Variants in TPTE observed in about 807,000 individuals in gnomAD.
TPTE encodes the protein transmembrane phosphatase with tensin homology, also known as putative tyrosine-protein phosphatase TPTE.
Under a neutral mutation model 84.1 loss-of-function variants are expected in TPTE, and 59 were observed. The observed-to-expected ratio is 0.70, with a 90% CI of 0.57 to 0.87. TPTE has a LOEUF of 0.87. TPTE is among the 40% of genes least tolerant of loss of function. TPTE has a pLI of 0.00. For synonymous variants in TPTE, 130 were observed against 223.5 expected (o/e 0.58, Z 3.73); for missense variants, 382 against 659.6 (o/e 0.58, Z 4.61).
intron 22 of TPTE, chr21:10,602,777 AG>A: frequency 1.9e-6 from 1 of 518,088 alleles, no homozygotes; most frequent in Non-Finnish European, 3.9e-6. Context: ...GCCAACTAGA[AG>A]GGGGAGCCAT....
intron 8 of TPTE, among the ~76,000 whole-genome samples, chr21:10,554,223 ATTCAT>A (rs1478096438): frequency 1.3e-5 from 2 of 152,228 alleles, no homozygotes; most frequent in African/African-American, 4.8e-5. Context: ...ATGTGCTATA[ATTCAT>A]TTAATAGTCA....
At chr21:10,554,402 T>C (rs1195795721) in intron 8 of TPTE, among the ~76,000 whole-genome samples, 15 of 152,294 alleles carry the variant, frequency 9.8e-5, no homozygotes, top group African/African-American at 3.4e-4. Flanking sequence ...GATATTGATA[T>C]GTGCTTTAAC....
chr21:10,526,102 T>C (rs2074073639), intron 2 of TPTE, among the ~76,000 whole-genome samples: 1 of 152,306 alleles, frequency 6.6e-6, no homozygotes, highest in African/African-American at 2.4e-5. Flanking sequence ...AATCCAATTA[T>C]TCATCCTGCT....
intron 3 of TPTE, among the ~76,000 whole-genome samples, chr21:10,531,778 T>G (rs1386595825): frequency 6.6e-6 from 1 of 152,310 alleles, no homozygotes; most frequent in East Asian, 1.9e-4. Context: ...CAAAGGTAAT[T>G]TCTAATCCTC....
chr21:10,579,312 G>A (rs1357111921), intron 17 of TPTE, among the ~76,000 whole-genome samples: 155 of 151,980 alleles, frequency 1.0e-3, no homozygotes, highest in Non-Finnish European at 1.9e-3. Flanking sequence ...ACATGGTGAA[G>A]CCCCATCTCT....
At chr21:10,524,848 G>C (rs1338067987) in intron 2 of TPTE, among the ~76,000 whole-genome samples, 160 bp downstream of exon 2, 1 of 152,306 alleles carries the variant, frequency 6.6e-6, no homozygotes, top group Admixed American at 6.5e-5. Flanking sequence ...AGATGAGCTG[G>C]TATAACTCTG....
chr21:10,566,767 G>A (rs192311381), intron 10 of TPTE, among the ~76,000 whole-genome samples: 7 of 152,292 alleles, frequency 4.6e-5, no homozygotes, highest in Non-Finnish European at 7.3e-5. Context: ...ACCTGAAGTC[G>A]GGAGTTCGAG....
At chr21:10,570,034 G>T (rs1205549642) in intron 13 of TPTE, among the ~76,000 whole-genome samples, 1 of 152,312 alleles carries the variant, frequency 6.6e-6, no homozygotes, top group African/African-American at 2.4e-5. Context: ...CTGAGTCCCA[G>T]GGATCCCATG....
chr21:10,561,458 C>T (rs566233311), intron 10 of TPTE, among the ~76,000 whole-genome samples: 1 of 151,480 alleles, frequency 6.6e-6, no homozygotes, highest in East Asian at 1.9e-4. Context: ...TGCCATTGCA[C>T]TCTAGCCTGG....
At position 10,598,022 on chromosome 21, in the gene TPTE, A is replaced by G. The variant is rs138548038; in HGVS notation, c.1284A>G (p.Val428=). The change falls in exon 21 of 24, where the codon GTA becomes GTG. Residue 428 remains valine, a synonymous_variant. Coordinates refer to ENST00000618007, the MANE Select transcript of TPTE (RefSeq NM_199261.4). ...HFIIYSIPRY[V]RDLKIQIEME... is the part of the protein sequence containing the mutation. ...TTCATTTTGTTGGAACAGGTTATGT[A>G]CGTGATCTAAAAATCCAAATAGAAA... 215 of 1,612,996 alleles carry G rather than the reference A, an allele frequency of 1.3e-4. No homozygotes were observed. The Middle Eastern group carries it at 2.7e-3, about 20-fold the overall frequency.
chr21:10,589,354 G>C (rs1485279147), intron 17 of TPTE, among the ~76,000 whole-genome samples: 5 of 152,298 alleles, frequency 3.3e-5, no homozygotes, highest in African/African-American at 1.2e-4. Flanking sequence ...ATGGGTAAGA[G>C]CTGGCTGTTG....
intron 21 of TPTE, among the ~76,000 whole-genome samples, chr21:10,601,452 G>A (rs546358448): frequency 7.2e-5 from 11 of 152,394 alleles, no homozygotes; most frequent in South Asian, 4.1e-4. Context: ...GCAGTGAGCC[G>A]AGATCATGCC....
intron 3 of TPTE, among the ~76,000 whole-genome samples, chr21:10,528,403 A>G (rs2074118480): frequency 6.6e-6 from 1 of 152,308 alleles, no homozygotes. Context: ...AGTTTTCTGG[A>G]CACTGATTCT....
At chr21:10,560,296 C>G (rs974267863) in intron 9 of TPTE, among the ~76,000 whole-genome samples, 3 of 152,308 alleles carry the variant, frequency 2.0e-5, no homozygotes, top group African/African-American at 4.8e-5. Context: ...AGTAAGATTT[C>G]ATACTATGAT....
At chr21:10,599,821 TA>T (rs1600987869) in intron 21 of TPTE, among the ~76,000 whole-genome samples, 97 of 152,086 alleles carry the variant, frequency 6.4e-4, no homozygotes, top group African/African-American at 2.1e-3. Flanking sequence ...GTTAGTTAGT[TA>T]GTTAGTTGGT....
intron 17 of TPTE, among the ~76,000 whole-genome samples, chr21:10,581,740 TG>T (rs1447267451): frequency 6.6e-6 from 1 of 152,430 alleles, no homozygotes; most frequent in South Asian, 2.1e-4. Context: ...TGTAAATTTT[TG>T]TTTTGTTTTG....
At chr21:10,603,223 A>G (rs1223526274) in intron 22 of TPTE, among the ~76,000 whole-genome samples, 2 of 152,308 alleles carry the variant, frequency 1.3e-5, no homozygotes, top group Non-Finnish European at 2.9e-5. Flanking sequence ...AGAATTCACT[A>G]CAATGTAGTT....
intron 6 of TPTE, 142 bp from the exon 7 acceptor site, chr21:10,543,187 G>T: frequency 7.8e-6 from 9 of 1,154,900 alleles, no homozygotes; most frequent in Non-Finnish European, 1.1e-5. Flanking sequence ...CCGCCACCGC[G>T]CCCAGCTAAT....
chr21:10,571,947 G>T (rs183177405), intron 14 of TPTE, among the ~76,000 whole-genome samples: 8 of 152,388 alleles, frequency 5.2e-5, no homozygotes, highest in African/African-American at 1.7e-4. Context: ...GGAGGTTGCA[G>T]TGAGCCAAGA....
Sources: allele counts gnomAD v4.1 joint callset (sites outside exome capture counted in the v4.1 genomes callset), GRCh38; gene constraint gnomAD v4.1.1; transcripts MANE v1.5; gene names NCBI Gene and HGNC (gene_info 2026-07-23, HGNC 2026-07-21).